The following SLC35F4 variants were observed in gnomAD, a reference collection of about 807,000 sequenced individuals.
SLC35F4 encodes the protein solute carrier family 35 member F4.
SLC35F4 carries 24 observed loss-of-function variants against 44.2 expected under a neutral mutation model. The ratio of observed to expected loss-of-function variants is 0.54; its 90% confidence interval spans 0.39 to 0.76. SLC35F4 has a LOEUF of 0.76. Among genes scored for constraint, SLC35F4 ranks in the 30% least tolerant of loss-of-function variants. The probability of loss-of-function intolerance (pLI) is 0.00; values close to 1 mark genes in which losing one functional copy is unlikely to be tolerated. For synonymous variants in SLC35F4, 238 were observed against 223.6 expected, an observed-to-expected ratio of 1.06 and a Z score of -0.57; for missense variants, 562 against 586.1, an observed-to-expected ratio of 0.96 and a Z score of 0.42.
intron 1 of SLC35F4, among the ~76,000 whole-genome samples, chr14:57,944,474 T>G (rs573428598): frequency 6.6e-6 from 1 of 152,118 alleles, no homozygotes; most frequent in South Asian, 2.1e-4. Context: ...CTGTTTACAT[T>G]TCCCTCATCC....
chr14:57,789,942 G>C (rs1490872188), intron 1 of SLC35F4, among the ~76,000 whole-genome samples: 1 of 152,002 alleles, frequency 6.6e-6, no homozygotes, highest in Non-Finnish European at 1.5e-5. Context: ...ATAAAATTCA[G>C]CACTGCTTCA....
chr14:57,617,858 T>A (rs112690272), intron 1 of SLC35F4, among the ~76,000 whole-genome samples: 98 of 152,162 alleles, frequency 6.4e-4, no homozygotes, highest in African/African-American at 2.3e-3. Flanking sequence ...CAGGTCGTGA[T>A]AGTTTAGTTT....
intron 1 of SLC35F4, among the ~76,000 whole-genome samples, chr14:57,923,570 A>G (rs1248933443): frequency 6.6e-6 from 1 of 152,200 alleles, no homozygotes; most frequent in South Asian, 2.1e-4. Flanking sequence ...AAGGAAATCC[A>G]AGTATAAATC....
At chr14:57,615,000 A>C (rs171139) in intron 1 of SLC35F4, among the ~76,000 whole-genome samples, 93,116 of 152,036 alleles carry the variant, frequency 0.61, 30,724 homozygotes, top group Non-Finnish European at 0.74. Context: ...GAGTGTTCTC[A>C]TCCATCAAAT....
chr14:57,597,602 G>A (rs140999303), intron 1 of SLC35F4, among the ~76,000 whole-genome samples: 3,397 of 152,272 alleles, frequency 0.022, 69 homozygotes, highest in South Asian at 0.048. Flanking sequence ...AAGGGAGTGA[G>A]GGATTCATTC....
chr14:57,600,456 G>A (rs1369353280), intron 1 of SLC35F4, among the ~76,000 whole-genome samples: 4 of 151,300 alleles, frequency 2.6e-5, no homozygotes, highest in Non-Finnish European at 4.4e-5. Context: ...ACTTTGGGAG[G>A]CCAAGGTGGG....
chr14:57,645,939 C>A (rs2073485773), intron 1 of SLC35F4, among the ~76,000 whole-genome samples: 2 of 151,956 alleles, frequency 1.3e-5, no homozygotes, highest in South Asian at 4.1e-4. Flanking sequence ...TGATTTGTGT[C>A]TGTTGAACCA....
chr14:57,808,127 G>A (rs904903272), intron 1 of SLC35F4, among the ~76,000 whole-genome samples: 2 of 151,830 alleles, frequency 1.3e-5, no homozygotes, highest in Non-Finnish European at 2.9e-5. Context: ...AGAGTTGGGT[G>A]GTGACACAGC....
At chr14:57,591,089 A>G (rs1364865502) in intron 2 of SLC35F4, among the ~76,000 whole-genome samples, 1 of 152,258 alleles carries the variant, frequency 6.6e-6, no homozygotes, top group East Asian at 1.9e-4. Flanking sequence ...CTAGGCATCC[A>G]GAAGATAAAA....
At chr14:57,950,652 C>T (rs912400258) in intron 1 of SLC35F4, among the ~76,000 whole-genome samples, 3 of 138,348 alleles carry the variant, frequency 2.2e-5, no homozygotes, top group African/African-American at 5.7e-5. Flanking sequence ...TTTGCATAGA[C>T]TCTTTGTTTC....
At chr14:57,600,691 C>CAAAAAAAAAAAA (rs67819924) in intron 1 of SLC35F4, among the ~76,000 whole-genome samples, 2 of 55,396 alleles carry the variant, frequency 3.6e-5, no homozygotes, top group Non-Finnish European at 6.2e-5. Context: ...GACTCCATCT[C>CAAAAAAAAAAAA]AAAAAAAAAA....
intron 1 of SLC35F4, among the ~76,000 whole-genome samples, chr14:57,743,302 G>A (rs1199408409): frequency 6.6e-6 from 1 of 152,042 alleles, no homozygotes; most frequent in Non-Finnish European, 1.5e-5. Flanking sequence ...TTTCTGAAAA[G>A]ATCAACAAAA....
At chr14:57,968,610 G>A (rs995275371) in intron 1 of SLC35F4, among the ~76,000 whole-genome samples, 1 of 152,198 alleles carries the variant, frequency 6.6e-6, no homozygotes, top group Admixed American at 6.5e-5. Context: ...GACATTAGCT[G>A]GAACGAATTA....
At chr14:57,913,349 T>C (rs1889253374) in intron 1 of SLC35F4, among the ~76,000 whole-genome samples, 1 of 152,258 alleles carries the variant, frequency 6.6e-6, no homozygotes, top group Admixed American at 6.5e-5. Context: ...ATTCTTACTT[T>C]TATCTTCTAT....
At chr14:57,971,918 C>T (rs1397640692), downstream of SLC35F4, among the ~76,000 whole-genome samples, 2 of 152,154 alleles carry the variant, frequency 1.3e-5, no homozygotes, top group African/African-American at 4.8e-5. Context: ...AAGAAGAAAA[C>T]AAACAAGAAG....
intron 1 of SLC35F4, among the ~76,000 whole-genome samples, chr14:57,666,228 G>A (rs975548647): frequency 1.3e-5 from 2 of 152,174 alleles, no homozygotes; most frequent in African/African-American, 2.4e-5. Flanking sequence ...GAATCTGTAC[G>A]CATGTGTGAA....
At chr14:57,694,578 T>C (rs529572458) in intron 1 of SLC35F4, among the ~76,000 whole-genome samples, 2 of 152,312 alleles carry the variant, frequency 1.3e-5, no homozygotes, top group South Asian at 2.1e-4. Flanking sequence ...TTTGAACTAA[T>C]GTTGAGAGTT....
intron 1 of SLC35F4, among the ~76,000 whole-genome samples, chr14:57,700,690 C>A (rs1194560649): frequency 6.6e-6 from 1 of 151,898 alleles, no homozygotes; most frequent in African/African-American, 2.4e-5. Context: ...TTGCTTGAGT[C>A]CAGGGGTTCG....
intron 1 of SLC35F4, among the ~76,000 whole-genome samples, chr14:57,910,522 G>A (rs937730015): frequency 2.0e-5 from 3 of 152,046 alleles, no homozygotes; most frequent in African/African-American, 7.2e-5. Flanking sequence ...GTGAATGGAT[G>A]TCCTGTTGTT....
Sources: allele counts gnomAD v4.1 joint callset (sites outside exome capture counted in the v4.1 genomes callset), GRCh38; gene constraint gnomAD v4.1.1; transcripts MANE v1.5; gene names NCBI Gene and HGNC (gene_info 2026-07-23, HGNC 2026-07-21).